Variants in RETREG1 observed in about 807,000 individuals in gnomAD.
The protein encoded by RETREG1 is reticulophagy regulator 1.
A neutral mutation model predicts 54.8 loss-of-function variants in RETREG1; 44 were observed. That is an observed-to-expected ratio of 0.80 (90% CI 0.63 to 1.03). RETREG1 has a LOEUF of 1.03. Among genes scored for constraint, RETREG1 ranks in the 50% least tolerant of loss-of-function variants. RETREG1 has a pLI of 0.00. For synonymous variants in RETREG1, 217 were observed against 238.5 expected (o/e 0.91, Z 0.83); for missense variants, 554 against 605.1 (o/e 0.92, Z 0.89).
chr5:16,495,454 T>G (rs1739413419), intron 3 of RETREG1, among the ~76,000 whole-genome samples: 1 of 152,002 alleles, frequency 6.6e-6, no homozygotes, highest in African/African-American at 2.4e-5. Flanking sequence ...GACATAATGG[T>G]TTTTGTGAGC....
intron 4 of RETREG1, among the ~76,000 whole-genome samples, chr5:16,481,815 T>C (rs995691397): frequency 6.6e-6 from 1 of 152,082 alleles, no homozygotes; most frequent in Non-Finnish European, 1.5e-5. Context: ...ATATCCTTAA[T>C]TCCCTTTAGA....
At chr5:16,588,540 G>A (rs2434404) in intron 1 of RETREG1, among the ~76,000 whole-genome samples, 20,491 of 152,150 alleles carry the variant, frequency 0.13, 1,388 homozygotes, top group Non-Finnish European at 0.16. Flanking sequence ...GGTCACTCCT[G>A]TGTCAAAGTT....
At chr5:16,559,746 T>C (rs1351705239) in intron 3 of RETREG1, among the ~76,000 whole-genome samples, 15 of 152,270 alleles carry the variant, frequency 9.9e-5, no homozygotes, top group Non-Finnish European at 1.5e-5. Flanking sequence ...TTTATGTTTT[T>C]AAATGATGCT....
chr5:16,505,204 C>T (rs945110980), intron 3 of RETREG1, among the ~76,000 whole-genome samples: 4 of 152,242 alleles, frequency 2.6e-5, no homozygotes, highest in South Asian at 4.1e-4. Flanking sequence ...TCCAGTTGTA[C>T]GGACTCAGTG....
intron 3 of RETREG1, among the ~76,000 whole-genome samples, chr5:16,538,441 G>GC (rs773310852): frequency 5.6e-4 from 86 of 152,270 alleles, no homozygotes; most frequent in Non-Finnish European, 1.0e-3. Flanking sequence ...ACGGAATGCA[G>GC]CCCACGTGTC....
Position 16,572,083 on chromosome 5 carries a change from A to T in RETREG1, c.340T>A (p.Trp114Arg), listed in dbSNP as rs367935796. Residue 114 changes from tryptophan to arginine, a missense_variant, in exon 2 of 9, where the codon TGG (tryptophan) becomes AGG (arginine). By Grantham distance (101) the Trp-to-Arg change is moderately radical (BLOSUM62 -3). Transcript: ENST00000306320. Reference protein sequence around the residue: ...LLFWFLALTPWRVYHLISVMI... With the variant: ...LLFWFLALTPRRVYHLISVMI... Reference sequence around the variant, plus strand: ...ACGGAAATCAGGTGATATACTCTCCATGGAGTCAATGCAAGGAACCTGCAA... The same window carrying T: ...ACGGAAATCAGGTGATATACTCTCCTTGGAGTCAATGCAAGGAACCTGCAA... 18 of 1,613,030 alleles carry T rather than the reference A, an allele frequency of 1.1e-5. No individual in the cohort carries two copies. Among genetic ancestry groups the T allele is most frequent in the Non-Finnish European group, 1.4e-5 (17 of 1,179,074 alleles).
intron 3 of RETREG1, among the ~76,000 whole-genome samples, chr5:16,519,733 C>A (rs1191771899): frequency 6.6e-6 from 1 of 152,192 alleles, no homozygotes; most frequent in African/African-American, 2.4e-5. Flanking sequence ...CTAACGCAGA[C>A]ACTGCCCAGT....
In RETREG1 at chr5:16,478,116, T is replaced by C; in HGVS notation, c.809-18A>G. ...GTCTGCTTCTGTTGAGGAAAAAATT[T>C]GGAAGCTTTCAGTTTCCTAGCCAAC... is the stretch of plus-strand genomic sequence containing the variant. On this transcript the variant is annotated intron_variant, in intron 6 of 8. Coordinates refer to ENST00000306320, the MANE Select transcript of RETREG1 (RefSeq NM_001034850.3). The C allele has an allele frequency of 6.3e-7, 1 of 1,594,924 alleles. No individual in the cohort carries two copies. Among genetic ancestry groups the C allele is most frequent in the Non-Finnish European group, 8.6e-7 (1 of 1,163,678 alleles).
chr5:16,563,851 G>T (rs895855490), intron 3 of RETREG1, among the ~76,000 whole-genome samples: 1 of 151,954 alleles, frequency 6.6e-6, no homozygotes, highest in African/African-American at 2.4e-5. Context: ...GGTTAATTAA[G>T]ATACTGGAAA....
Position 16,488,915 on chromosome 5 carries a change from G to A in RETREG1, c.459-5443C>T, listed in dbSNP as rs556657181. 3.3e-5 allele frequency among the ~76,000 whole-genome samples: 5 copies of A among 151,596 alleles called. No individual in the cohort carries two copies. In the East Asian group the frequency reaches 5.9e-4, roughly 18 times the overall value. On this transcript the variant is annotated intron_variant, in intron 3 of 8. Coordinates refer to ENST00000306320, the MANE Select transcript of RETREG1 (RefSeq NM_001034850.3). ...TTGCCCAACACGGTGAAACCCCATCGCTACTAAAAGTACAAAAATTAGCCA... is the reference window on the plus strand; with the variant it reads ...TTGCCCAACACGGTGAAACCCCATCACTACTAAAAGTACAAAAATTAGCCA...
chr5:16,567,190 C>T (rs759395227), intron 2 of RETREG1, among the ~76,000 whole-genome samples: 1 of 152,132 alleles, frequency 6.6e-6, no homozygotes, highest in Non-Finnish European at 1.5e-5. Flanking sequence ...GGCTGAAGAA[C>T]AGTACAAGTG....
intron 1 of RETREG1, among the ~76,000 whole-genome samples, chr5:16,610,234 G>A (rs572622028): frequency 6.6e-6 from 1 of 152,298 alleles, no homozygotes; most frequent in East Asian, 1.9e-4. Context: ...CTGGTGCCCA[G>A]CCTGAGACGC....
At chr5:16,480,953 C>A (rs2305279) in intron 5 of RETREG1, 56 bp downstream of exon 5, 1 of 1,198,202 alleles carries the variant, frequency 8.3e-7, no homozygotes, top group Non-Finnish European at 1.2e-6. Context: ...GTCTGTTGAC[C>A]GTAAGGTGAT....
intron 6 of RETREG1, 127 bp downstream of exon 6, chr5:16,478,723 G>T: frequency 3.6e-6 from 3 of 842,418 alleles, no homozygotes; most frequent in African/African-American, 1.7e-5. Context: ...CTTTGAGGGA[G>T]ATTAGCTTCT....
intron 2 of RETREG1, among the ~76,000 whole-genome samples, chr5:16,570,224 A>G (rs1364068552): frequency 6.6e-6 from 1 of 152,210 alleles, no homozygotes. Flanking sequence ...CATTCTTTCT[A>G]TTCTACTACC....
In RETREG1 at chr5:16,482,439, G is replaced by T. The variant is rs1738817121; in HGVS notation, c.585+907C>A. Among the ~76,000 whole-genome samples the T allele has an allele frequency of 2.0e-5, 3 of 148,604 alleles. No homozygotes were observed. The Admixed American group carries it at 2.1e-4, about 10-fold the overall frequency. ...ACAGCACATCATGCCCCAAATATAG[G>T]TATCTATGCTAAAAAAAAAAAAATG... On this transcript the variant is annotated intron_variant, in intron 4 of 8. Coordinates refer to ENST00000306320, the MANE Select transcript of RETREG1 (RefSeq NM_001034850.3).
chr5:16,610,524 T>C (rs961885602), intron 1 of RETREG1, among the ~76,000 whole-genome samples: 2 of 152,180 alleles, frequency 1.3e-5, no homozygotes, highest in Non-Finnish European at 2.9e-5. Flanking sequence ...AAAGGGCTAA[T>C]ATCCAGAATC....
chr5:16,518,386 A>G (rs1740428367), intron 3 of RETREG1, among the ~76,000 whole-genome samples: 1 of 151,420 alleles, frequency 6.6e-6, no homozygotes. Flanking sequence ...GGATGGGTGA[A>G]GGGAAGGGAG....
intron 1 of RETREG1, among the ~76,000 whole-genome samples, chr5:16,612,084 C>T (rs1158053552): frequency 6.9e-6 from 1 of 145,942 alleles, no homozygotes; most frequent in Admixed American, 6.8e-5. Context: ...AAAAAAAGGA[C>T]ATCACCCTAT....
Sources: gnomAD v4.1 joint callset for allele counts (sites outside exome capture counted in the v4.1 genomes callset) on GRCh38, gnomAD v4.1.1 for gene constraint, MANE v1.5 for transcripts, NCBI Gene and HGNC (gene_info 2026-07-23, HGNC 2026-07-21) for gene names.